The following TEK variants were observed in gnomAD, a reference collection of about 807,000 sequenced individuals.
The protein encoded by TEK is angiopoietin-1 receptor.
In TEK, 43 loss-of-function variants were observed where a neutral mutation model predicts 131.8. That is an observed-to-expected ratio of 0.33 (90% CI 0.26 to 0.42). The LOEUF is 0.42. Ranked by LOEUF, TEK falls within the 10% of genes least tolerant of loss-of-function variation. The probability of loss-of-function intolerance (pLI) is 1.00; values close to 1 mark genes in which losing one functional copy is unlikely to be tolerated. For synonymous variants in TEK, 580 were observed against 491.6 expected (o/e 1.18, Z -2.38); for missense variants, 1,162 against 1,384.4 (o/e 0.84, Z 2.55).
chr9:27,215,383 G>C (rs1289754823), intron 18 of TEK, among the ~76,000 whole-genome samples: 2 of 152,110 alleles, frequency 1.3e-5, no homozygotes, highest in Non-Finnish European at 2.9e-5. Flanking sequence ...GTGCAGTGTG[G>C]CAAGACACTC....
Position 27,109,434 on chromosome 9 carries a change from T to TA in TEK, c.-156dup, listed in dbSNP as rs1400493996. The stretch of plus-strand genomic sequence containing the variant: ...TGTGCTCAGACAGAAATGAGACTGT[T>TA]ACAGCCTGCTTCTGTGCTGTTCCTT... On this transcript the variant is annotated 5_prime_UTR_variant, in exon 1 of 23. An upstream open reading frame in the 5' UTR gains an earlier in-frame stop. Coordinates refer to ENST00000380036, the MANE Select transcript of TEK (RefSeq NM_000459.5). 3.9e-6 allele frequency: 3 copies of TA among 774,948 alleles called. No homozygotes were observed. In the African/African-American group the frequency reaches 5.2e-5, roughly 13 times the overall value. 48.0% of individuals were successfully genotyped at this position (774,948 alleles called of 1,614,324 possible).
At chr9:27,221,700 C>G (rs1168367306) in intron 21 of TEK, among the ~76,000 whole-genome samples, 1 of 152,184 alleles carries the variant, frequency 6.6e-6, no homozygotes, top group African/African-American at 2.4e-5. Context: ...AAGTAACAAA[C>G]AGAAAGGAAT....
intron 6 of TEK, among the ~76,000 whole-genome samples, chr9:27,173,750 T>G (rs1199494040): frequency 1.4e-4 from 21 of 146,046 alleles, no homozygotes; most frequent in African/African-American, 2.6e-4. Flanking sequence ...TTTTTTTTTT[T>G]TTTTTTTCAG....
intron 1 of TEK, among the ~76,000 whole-genome samples, chr9:27,155,452 G>A (rs978050705): frequency 8.5e-5 from 13 of 152,162 alleles, no homozygotes; most frequent in African/African-American, 3.1e-4. Flanking sequence ...TAAAATGCAG[G>A]TGTAACTCCT....
At chr9:27,218,627 ACCTACACTGTGTGCAAGGGC>A in intron 19 of TEK, 130 bp from the exon 20 acceptor site, 1 of 776,816 alleles carries the variant, frequency 1.3e-6, no homozygotes, top group Non-Finnish European at 2.3e-6. Context: ...GAGGAGAGAA[ACCTACACTGTGTGCAAGGGC>A]CTATCCTAGG....
intron 2 of TEK, among the ~76,000 whole-genome samples, chr9:27,160,429 G>A (rs1464930503): frequency 6.6e-6 from 1 of 152,070 alleles, no homozygotes; most frequent in Non-Finnish European, 1.5e-5. Flanking sequence ...TTAGATCAAT[G>A]CTTTTTAAAG....
intron 13 of TEK, among the ~76,000 whole-genome samples, chr9:27,203,823 T>G (rs1825306771): frequency 6.6e-6 from 1 of 152,206 alleles, no homozygotes; most frequent in Admixed American, 6.5e-5. Context: ...GTTTTGAAAA[T>G]TTATGATTTG....
chr9:27,176,490 T>C (rs1253810280), intron 6 of TEK, among the ~76,000 whole-genome samples: 1 of 152,242 alleles, frequency 6.6e-6, no homozygotes, highest in Non-Finnish European at 1.5e-5. Flanking sequence ...TAATAGTTCT[T>C]AACCTTTCTA....
Position 27,128,590 on chromosome 9 carries a change from C to T in TEK, c.52+18948C>T, listed in dbSNP as rs190179227. On this transcript the variant is annotated intron_variant, in intron 1 of 22. Transcript: ENST00000380036. Reference sequence around the variant, plus strand: ...GGCAGTATGGCCATTTTCACGATACCGATTCTTCCTATCCATGAGCATGGA... The same window carrying T: ...GGCAGTATGGCCATTTTCACGATACTGATTCTTCCTATCCATGAGCATGGA... Among the ~76,000 whole-genome samples, 20 of 152,136 alleles carry T rather than the reference C, an allele frequency of 1.3e-4. No homozygotes were observed. The East Asian group carries it at 2.7e-3, about 21-fold the overall frequency.
At chr9:27,172,221 C>A (rs1823984292) in intron 4 of TEK, among the ~76,000 whole-genome samples, 1 of 152,170 alleles carries the variant, frequency 6.6e-6, no homozygotes, top group Admixed American at 6.5e-5. Context: ...AAAACCACAG[C>A]TCCAGCCTGT....
intron 12 of TEK, among the ~76,000 whole-genome samples, chr9:27,202,240 C>T (rs1051210701): frequency 2.0e-5 from 3 of 152,122 alleles, no homozygotes; most frequent in Non-Finnish European, 2.9e-5. Flanking sequence ...AAGTTATTAG[C>T]ACATTTTCTC....
At chr9:27,184,750 C>A (rs1824532679) in intron 8 of TEK, among the ~76,000 whole-genome samples, 2 of 151,954 alleles carry the variant, frequency 1.3e-5, no homozygotes, top group African/African-American at 4.8e-5. Context: ...TCAAAAATGG[C>A]AAAGAGGCCA....
In TEK at chr9:27,192,529, G is replaced by T; in HGVS notation, c.1530G>T (p.Arg510=). Residue 510 remains arginine (R), a synonymous_variant, in exon 11 of 23, where the codon CGG becomes CGT. Transcript: ENST00000380036. ...EIVTLNYLEP[R]TEYELCVQLV... Reference sequence around the variant, plus strand: ...TTACACTCAACTATTTGGAACCTCGGACAGAATATGAACTCTGTGTGCAAC... The same window carrying T: ...TTACACTCAACTATTTGGAACCTCGTACAGAATATGAACTCTGTGTGCAAC... The T allele has an allele frequency of 6.2e-7, 1 of 1,613,968 alleles. No individual in the cohort carries two copies. Among genetic ancestry groups the T allele is most frequent in the Non-Finnish European group, 8.5e-7 (1 of 1,179,938 alleles).
chr9:27,188,671 T>A (rs1266905685), intron 9 of TEK, among the ~76,000 whole-genome samples: 2 of 152,210 alleles, frequency 1.3e-5, no homozygotes, highest in Non-Finnish European at 2.9e-5. Context: ...TTTATTATCC[T>A]GACCTTGGAC....
intron 1 of TEK, among the ~76,000 whole-genome samples, chr9:27,152,087 A>G (rs921787509): frequency 2.0e-5 from 3 of 152,186 alleles, no homozygotes; most frequent in African/African-American, 7.2e-5. Context: ...GAACTTTAAG[A>G]TACCTACTTC....
intron 1 of TEK, among the ~76,000 whole-genome samples, chr9:27,144,094 C>T (rs1408909458): frequency 1.3e-5 from 2 of 152,076 alleles, no homozygotes; most frequent in African/African-American, 4.8e-5. Flanking sequence ...CCATCCTGGC[C>T]AACATGGTGA....
Position 27,144,423 on chromosome 9 carries a change from G to C in TEK, c.53-13408G>C, listed in dbSNP as rs1369812201. 2.6e-5 allele frequency among the ~76,000 whole-genome samples: 4 copies of C among 152,340 alleles called. No individual in the cohort carries two copies. In the East Asian group the frequency reaches 5.8e-4, roughly 22 times the overall value. On this transcript the variant is annotated intron_variant, in intron 1 of 22. Coordinates refer to ENST00000380036, the MANE Select transcript of TEK (RefSeq NM_000459.5). The stretch of plus-strand genomic sequence containing the variant: ...ATATGGGGACTGGTAGGGGCCCATG[G>C]GGATTACACTTAATACATTTATACC...
At chr9:27,110,172 C>T (rs1238847456) in intron 1 of TEK, among the ~76,000 whole-genome samples, 5 of 144,858 alleles carry the variant, frequency 3.5e-5, no homozygotes, top group East Asian at 2.0e-4. Context: ...AAATTGTAGG[C>T]TTTTTTTTTT....
chr9:27,206,758 G>A lies in TEK; in HGVS notation c.2541G>A (p.Gly847=). ...TTAAGGCGCGCATCAAGAAGGATGGGTTACGGATGGATGCTGCCATCAAAA... is the reference window on the plus strand; with the variant it reads ...TTAAGGCGCGCATCAAGAAGGATGGATTACGGATGGATGCTGCCATCAAAA... The part of the protein sequence containing the change: ...QVLKARIKKD[G]LRMDAAIKRM... Residue 847 remains glycine, a synonymous_variant, in exon 15 of 23, where the codon GGG becomes GGA. Transcript: ENST00000380036. The A allele has an allele frequency of 6.2e-7, 1 of 1,614,086 alleles. No individual in the cohort carries two copies. The highest frequency in any genetic ancestry group is 8.5e-7 in the Non-Finnish European group (1 of 1,179,984).
Sources: gnomAD v4.1 joint callset for allele counts (sites outside exome capture counted in the v4.1 genomes callset) on GRCh38, gnomAD v4.1.1 for gene constraint, MANE v1.5 for transcripts, NCBI Gene and HGNC (gene_info 2026-07-23, HGNC 2026-07-21) for gene names.